Variants in SHISA7 observed in about 807,000 individuals in gnomAD.
SHISA7 encodes protein shisa-7.
In SHISA7, 6 loss-of-function variants were observed where a neutral mutation model predicts 23.9. The observed-to-expected ratio is 0.25, with a 90% confidence interval of 0.14 to 0.50. The LOEUF is 0.50. SHISA7 is among the 20% of genes least tolerant of loss of function. The pLI, the probability that SHISA7 is intolerant of heterozygous loss-of-function variation, is 0.98. For synonymous variants in SHISA7, 386 were observed against 398.3 expected, an observed-to-expected ratio of 0.97 and a Z score of 0.37; for missense variants, 671 against 801.1, an observed-to-expected ratio of 0.84 and a Z score of 1.96.
chr19:55,433,070 C>G lies in SHISA7; in HGVS notation c.*86G>C. 1 of 1,411,300 alleles carries G rather than the reference C, an allele frequency of 7.1e-7. No individual in the cohort carries two copies. The highest frequency in any genetic ancestry group is 9.2e-7 in the Non-Finnish European group (1 of 1,086,458). 87.4% of individuals were successfully genotyped at this position (1,411,300 alleles called of 1,614,324 possible). A position where few individuals can be genotyped will look rare whatever the true frequency, so the allele number is the denominator to read the frequency against. ...CCAAGGGCCGATCTGGGCCCCAGGC[C>G]CCTGGCATGTGTGCGCCTGTGTCGG... is the stretch of plus-strand genomic sequence containing the variant. On this transcript the variant is annotated 3_prime_UTR_variant, in exon 4 of 4. Coordinates refer to ENST00000376325, the MANE Select transcript of SHISA7 (RefSeq NM_001145176.2). This position sits in a 1 kb window ranked among gnomAD's most constrained non-coding sequence, Gnocchi z 8.4.
chr19:55,433,595 C>A lies in SHISA7; in HGVS notation c.1178G>T (p.Gly393Val). ...CGTGAACTCGTAGCGCGAACGGCCA[C>A]CATCGCCCAGCAGGTGCTCCTGGGA... ...VMSQEHLLGD[G>V]GRSRYEFTLP... The change falls in exon 4 of 4, where the codon GGT becomes GTT. Residue 393 changes from glycine to valine, a missense_variant. Gly to Val is a moderately radical substitution (Grantham distance 109). Transcript: ENST00000376325. The surrounding 1 kb of genome is among the most constrained non-coding windows in gnomAD (Gnocchi z 8.4). 6.7e-7 allele frequency: 1 copy of A among 1,498,264 alleles called. No homozygotes were observed. The allele number at this position is 1,498,264 out of a possible 1,614,324, so 92.8% of individuals were successfully genotyped here. A position where few individuals can be genotyped will look rare whatever the true frequency, so the allele number is the denominator to read the frequency against.
chr19:55,433,447 G>A lies in SHISA7; in HGVS notation c.1326C>T (p.Thr442=). 1 of 1,339,602 alleles carries A rather than the reference G, an allele frequency of 7.5e-7. No individual in the cohort carries two copies. Among genetic ancestry groups the A allele is most frequent in the Non-Finnish European group, 9.5e-7 (1 of 1,053,556 alleles). The allele number at this position is 1,339,602 out of a possible 1,614,324, so 83.0% of individuals were successfully genotyped here. A position where few individuals can be genotyped will look rare whatever the true frequency, so the allele number is the denominator to read the frequency against. Residue 442 remains threonine, a synonymous_variant, in exon 4 of 4, where the codon ACC becomes ACT. Coordinates refer to ENST00000376325, the MANE Select transcript of SHISA7 (RefSeq NM_001145176.2). This position sits in a 1 kb window ranked among gnomAD's most constrained non-coding sequence, Gnocchi z 8.4. ...GCGAGGCGGCCAGGCTGGCCCGGGC[G>A]GTGGGGTCGGGGGGCAGCGCGGGGC... ...PRSPALPPDP[T]ARASLAASHS...
chr19:55,435,313 G>A (rs1456699508), intron 3 of SHISA7, among the ~76,000 whole-genome samples: 1 of 117,130 alleles, frequency 8.5e-6, no homozygotes, highest in African/African-American at 3.9e-5. Flanking sequence ...TATATGTGGT[G>A]TGTGTGTGGG....
At chr19:55,435,703 G>C (rs1307635825) in intron 3 of SHISA7, among the ~76,000 whole-genome samples, 1 of 150,542 alleles carries the variant, frequency 6.6e-6, no homozygotes, top group East Asian at 1.9e-4. Context: ...AGTTGAGCCT[G>C]CAGTGAGCCA....
In SHISA7 at chr19:55,433,575, A is replaced by T; in HGVS notation, c.1198T>A (p.Phe400Ile). 2 of 1,497,014 alleles carry T rather than the reference A, an allele frequency of 1.3e-6. No homozygotes were observed. Among genetic ancestry groups the T allele is most frequent in the Non-Finnish European group, 1.8e-6 (2 of 1,129,400 alleles). The allele number at this position is 1,497,014 out of a possible 1,614,324, so 92.7% of individuals were successfully genotyped here. Residue 400 changes from phenylalanine to isoleucine, a missense_variant, in exon 4 of 4, where the codon TTC (phenylalanine) becomes ATC (isoleucine). Around this residue, in one of 5 missense-constraint regions of SHISA7, gnomAD observed 457 missense variants for 488.3 expected, o/e 0.94. Coordinates refer to ENST00000376325, the MANE Select transcript of SHISA7 (RefSeq NM_001145176.2). The surrounding 1 kb of genome is among the most constrained non-coding windows in gnomAD (Gnocchi z 8.4). ...ACCAGGCGCGCGCGCGGCAGCGTGA[A>T]CTCGTAGCGCGAACGGCCACCATCG... ...LGDGGRSRYE[F>I]TLPRARLVSQ... is the part of the protein sequence containing the mutation.
chr19:55,435,616 T>G (rs1175613178), intron 3 of SHISA7, among the ~76,000 whole-genome samples: 1 of 133,420 alleles, frequency 7.5e-6, no homozygotes, highest in Non-Finnish European at 1.6e-5. Context: ...AAAAAAAAAT[T>G]AGCTAAGCAT....
rs1166230050 is a variant in SHISA7 at position 55,433,581 on chromosome 19, AGCGCGAACG to A, written c.1183_1191del (p.Arg395_Arg397del). On this transcript the variant is annotated inframe_deletion, in exon 4 of 4. Transcript: ENST00000376325. This position sits in a 1 kb window ranked among gnomAD's most constrained non-coding sequence, Gnocchi z 8.4. ...CGCGCGCGCGGCAGCGTGAACTCGT[AGCGCGAACG>A]GCCACCATCGCCCAGCAGGTGCTCC... 2.9e-5 allele frequency: 43 copies of A among 1,498,266 alleles called. No homozygotes were observed. The highest frequency in any genetic ancestry group is 3.7e-5 in the Non-Finnish European group (42 of 1,129,948). 92.8% of individuals were successfully genotyped at this position (1,498,266 alleles called of 1,614,324 possible).
At chr19:55,442,164 G>A (rs762220152) in intron 1 of SHISA7, 29 bp downstream of exon 1, 12 of 1,518,252 alleles carry the variant, frequency 7.9e-6, no homozygotes, top group South Asian at 1.2e-5. Flanking sequence ...CCCCAGGCTC[G>A]CAGTCCTCCC....
At chr19:55,440,195 C>T (rs2123356632) in intron 2 of SHISA7, among the ~76,000 whole-genome samples, 1 of 152,208 alleles carries the variant, frequency 6.6e-6, no homozygotes, top group African/African-American at 2.4e-5. Flanking sequence ...AACTGAGGCC[C>T]ACAGAGGTGA....
chr19:55,437,494 G>T, intron 3 of SHISA7, 111 bp downstream of exon 3: 1 of 1,322,556 alleles, frequency 7.6e-7, no homozygotes, highest in Non-Finnish European at 1.0e-6. Context: ...TAAAACCTGG[G>T]AGAGAAGCTA....
rs765544664 is a variant in SHISA7 at position 55,440,587 on chromosome 19, C to A, written c.826+24G>T. ...GGGGCGTGGCCAGAGACGGAGGCTGCGCCGGATCCCACGTTCCACTCACCG... is the reference window on the plus strand; with the variant it reads ...GGGGCGTGGCCAGAGACGGAGGCTGAGCCGGATCCCACGTTCCACTCACCG... On this transcript the variant is annotated intron_variant, in intron 2 of 3. Coordinates refer to ENST00000376325, the MANE Select transcript of SHISA7 (RefSeq NM_001145176.2). 2.5e-4 allele frequency: 308 copies of A among 1,249,344 alleles called. 1 individual carries two copies. Among genetic ancestry groups the A allele is most frequent in the Admixed American group, 2.5e-4 (6 of 23,706 alleles). 77.4% of individuals were successfully genotyped at this position (1,249,344 alleles called of 1,614,324 possible).
At chr19:55,434,004 C>CAA (rs1985285371) in intron 3 of SHISA7, among the ~76,000 whole-genome samples, 1 of 152,062 alleles carries the variant, frequency 6.6e-6, no homozygotes, top group African/African-American at 2.4e-5. Context: ...TCTTCTTCCC[C>CAA]CCCGCGCCGC....
At chr19:55,439,780 C>T (rs572941921) in intron 2 of SHISA7, among the ~76,000 whole-genome samples, 158 of 152,010 alleles carry the variant, frequency 1.0e-3, no homozygotes, top group Non-Finnish European at 1.9e-3. Context: ...TGCCTCTCCT[C>T]CTCCAGGCCT....
At chr19:55,434,818 T>G in intron 3 of SHISA7, among the ~76,000 whole-genome samples, 1 of 78,926 alleles carries the variant, frequency 1.3e-5, no homozygotes, top group Non-Finnish European at 2.4e-5. Context: ...GTGCATGGTG[T>G]GTATGTGTGT....
At position 55,434,262 on chromosome 19, in the gene SHISA7, G is replaced by A. The variant is rs546102481; in HGVS notation, c.977-466C>T. Among the ~76,000 whole-genome samples, 27 of 151,256 alleles carry A rather than the reference G, an allele frequency of 1.8e-4. No individual in the cohort carries two copies. In the East Asian group the frequency reaches 3.9e-3, roughly 22 times the overall value. The stretch of plus-strand genomic sequence containing the variant: ...GGTTCATAAAATTCTTACTGCAGAC[G>A]CGTGTGTGTGTGTGTGGTGGGTGTG... On this transcript the variant is annotated intron_variant, in intron 3 of 3. Transcript: ENST00000376325.
At chr19:55,439,453 G>A (rs1985543892) in intron 2 of SHISA7, among the ~76,000 whole-genome samples, 1 of 152,150 alleles carries the variant, frequency 6.6e-6, no homozygotes, top group Non-Finnish European at 1.5e-5. Context: ...CCAGAGGACC[G>A]GTTCTACCAC....
chr19:55,435,423 T>A (rs924853142), intron 3 of SHISA7, among the ~76,000 whole-genome samples: 1 of 132,560 alleles, frequency 7.5e-6, no homozygotes, highest in African/African-American at 3.1e-5. Flanking sequence ...TGTGTGTGTG[T>A]GTGATTGAAA....
Position 55,433,339 on chromosome 19 carries a change from G to T in SHISA7, c.1434C>A (p.His478Gln). 1 of 1,416,078 alleles carries T rather than the reference G, an allele frequency of 7.1e-7. No homozygotes were observed. 87.7% of individuals were successfully genotyped at this position (1,416,078 alleles called of 1,614,324 possible). A position where few individuals can be genotyped will look rare whatever the true frequency, so the allele number is the denominator to read the frequency against. The change falls in exon 4 of 4, where the codon CAC becomes CAA. Residue 478 changes from histidine to glutamine, a missense_variant. Coordinates refer to ENST00000376325, the MANE Select transcript of SHISA7 (RefSeq NM_001145176.2). This position sits in a 1 kb window ranked among gnomAD's most constrained non-coding sequence, Gnocchi z 8.4. Reference sequence around the variant, plus strand: ...GCGGCGAGCCGTGCAGGGCGTGGTGGTGGTGGGCGTGCAGGCTGGACGGTG... The same window carrying T: ...GCGGCGAGCCGTGCAGGGCGTGGTGTTGGTGGGCGTGCAGGCTGGACGGTG... ...LPPPSSLHAH[H>Q]HHALHGSPQP...
chr19:55,441,021 C>T (rs144053770), intron 1 of SHISA7, among the ~76,000 whole-genome samples: 48 of 152,280 alleles, frequency 3.2e-4, no homozygotes, highest in Non-Finnish European at 6.2e-4. Flanking sequence ...TCTCACTTCC[C>T]TGTGGGCTCG....
Sources: gnomAD v4.1 joint callset for allele counts (sites outside exome capture counted in the v4.1 genomes callset) on GRCh38, gnomAD v4.1.1 for gene constraint, gnomAD v4.1.1 regional missense constraint, Gnocchi (gnomAD v3.1) non-coding constraint, MANE v1.5 for transcripts, NCBI Gene and HGNC (gene_info 2026-07-23, HGNC 2026-07-21) for gene names.